Variants in PITPNM3 observed in about 807,000 individuals in gnomAD.
PITPNM3 encodes membrane-associated phosphatidylinositol transfer protein 3.
A neutral mutation model predicts 102.0 loss-of-function variants in PITPNM3; 26 were observed. That is an observed-to-expected ratio of 0.25 (90% CI 0.19 to 0.35). The LOEUF (loss-of-function observed/expected upper bound fraction) is 0.35, where lower values mean the gene tolerates loss of function less well. Ranked by LOEUF, PITPNM3 falls within the 10% of genes least tolerant of loss-of-function variation. PITPNM3 has a pLI of 1.00. For missense variants in PITPNM3, 1,083 were observed against 1,346.1 expected, an observed-to-expected ratio of 0.80 and a Z score of 3.06; for synonymous variants, 578 against 558.6, an observed-to-expected ratio of 1.03 and a Z score of -0.49.
At chr17:6,551,981 G>A (rs543356819) in intron 1 of PITPNM3, among the ~76,000 whole-genome samples, 1 of 152,228 alleles carries the variant, frequency 6.6e-6, no homozygotes, top group South Asian at 2.1e-4. Flanking sequence ...CTGTGACGTT[G>A]GCCAAATACC....
intron 2 of PITPNM3, among the ~76,000 whole-genome samples, chr17:6,527,279 T>C (rs1439994133): frequency 1.3e-5 from 2 of 152,218 alleles, no homozygotes; most frequent in African/African-American, 2.4e-5. Flanking sequence ...TCATGTTAGA[T>C]TGATTTTTTT....
chr17:6,498,444 G>A (rs1906971861), intron 4 of PITPNM3, among the ~76,000 whole-genome samples: 1 of 152,254 alleles, frequency 6.6e-6, no homozygotes, highest in South Asian at 2.1e-4. Context: ...ATCCATGGGA[G>A]AGAAAGCAGG....
In PITPNM3 at chr17:6,470,138, G is replaced by T; in HGVS notation, c.1773+122C>A. 1 of 1,162,786 alleles carries T rather than the reference G, an allele frequency of 8.6e-7. No individual in the cohort carries two copies. The highest frequency in any genetic ancestry group is 1.2e-6 in the Non-Finnish European group (1 of 809,472). The allele number at this position is 1,162,786 out of a possible 1,614,324, so 72.0% of individuals were successfully genotyped here. On this transcript the variant is annotated intron_variant, in intron 13 of 19. Coordinates refer to ENST00000262483, the MANE Select transcript of PITPNM3 (RefSeq NM_031220.4). This position sits in a 1 kb window ranked among gnomAD's most constrained non-coding sequence, Gnocchi z 4.8. ...GTAGGTGCTCCAATGCCTTCCTCATGCTCTTAGGATCAAGGCCAAAAGCTG... is the reference window on the plus strand; with the variant it reads ...GTAGGTGCTCCAATGCCTTCCTCATTCTCTTAGGATCAAGGCCAAAAGCTG...
At chr17:6,462,989 G>T (rs772558708) in intron 17 of PITPNM3, among the ~76,000 whole-genome samples, 5 of 152,132 alleles carry the variant, frequency 3.3e-5, no homozygotes, top group Admixed American at 6.5e-5. Context: ...GTGGGAGGGG[G>T]ACTGTGACGC....
chr17:6,486,488 G>A (rs1227096150), intron 4 of PITPNM3, among the ~76,000 whole-genome samples: 1 of 152,188 alleles, frequency 6.6e-6, no homozygotes, highest in Non-Finnish European at 1.5e-5. Context: ...GCTTTTCTCA[G>A]CAGGGAAGAG....
chr17:6,464,403 C>T (rs1264701507), intron 15 of PITPNM3, 85 bp from the exon 16 acceptor site: 17 of 1,415,328 alleles, frequency 1.2e-5, no homozygotes, highest in Admixed American at 3.5e-5. Flanking sequence ...GAACTCTGGG[C>T]TGAGGTCCCT....
rs1053194939 is a variant in PITPNM3 at position 6,454,345 on chromosome 17, C to G, written c.*993G>C. Reference sequence around the variant, plus strand: ...CCTTCCCAGCCCACCCAGAGAGGCTCCTTTAAGAGCCCCTCCTTTCCAGCC... The same window carrying G: ...CCTTCCCAGCCCACCCAGAGAGGCTGCTTTAAGAGCCCCTCCTTTCCAGCC... On this transcript the variant is annotated 3_prime_UTR_variant, in exon 20 of 20. Transcript: ENST00000262483. The G allele has an allele frequency of 3.9e-5, 6 of 152,308 alleles. No homozygotes were observed. In the East Asian group the frequency reaches 1.2e-3, roughly 30 times the overall value. The allele number at this position is 152,308 out of a possible 1,614,324, so 9.4% of individuals were successfully genotyped here. A position where few individuals can be genotyped will look rare whatever the true frequency, so the allele number is the denominator to read the frequency against.
chr17:6,552,545 A>C (rs1910368906), intron 1 of PITPNM3, among the ~76,000 whole-genome samples: 1 of 151,854 alleles, frequency 6.6e-6, no homozygotes, highest in African/African-American at 2.4e-5. Flanking sequence ...TTACCCCGGC[A>C]CTCCTGTCTT....
intron 17 of PITPNM3, among the ~76,000 whole-genome samples, chr17:6,462,254 G>A (rs1904500049): frequency 6.6e-6 from 1 of 152,120 alleles, no homozygotes; most frequent in East Asian, 1.9e-4. Context: ...TGTTTCCATG[G>A]TGATTCCTGT....
At chr17:6,510,910 G>A (rs1452081116) in intron 3 of PITPNM3, among the ~76,000 whole-genome samples, 2 of 152,222 alleles carry the variant, frequency 1.3e-5, no homozygotes, top group South Asian at 2.1e-4. Context: ...GACGAGCTCC[G>A]CATGAGCCCA....
chr17:6,529,165 C>T (rs1909003886), intron 2 of PITPNM3, among the ~76,000 whole-genome samples: 1 of 152,194 alleles, frequency 6.6e-6, no homozygotes, highest in Non-Finnish European at 1.5e-5. Flanking sequence ...GCCTTGACCA[C>T]AGATTGACTC....
chr17:6,457,833 G>C lies in PITPNM3; in HGVS notation c.2491-111C>G. ...CTTGGGGACCCTTTATGTGCACTCT[G>C]GTAGACTCCAAGCCATGGGGCCACC... On this transcript the variant is annotated intron_variant, in intron 18 of 19. Transcript: ENST00000262483. This position sits in a 1 kb window ranked among gnomAD's most constrained non-coding sequence, Gnocchi z 4.7. 1 of 1,435,300 alleles carries C rather than the reference G, an allele frequency of 7.0e-7. No homozygotes were observed. The highest frequency in any genetic ancestry group is 9.5e-7 in the Non-Finnish European group (1 of 1,055,944). The allele number at this position is 1,435,300 out of a possible 1,614,324, so 88.9% of individuals were successfully genotyped here. A position where few individuals can be genotyped will look rare whatever the true frequency, so the allele number is the denominator to read the frequency against.
At chr17:6,464,122 G>T (rs1300683430) in intron 16 of PITPNM3, 48 bp downstream of exon 16, 3 of 1,613,124 alleles carry the variant, frequency 1.9e-6, no homozygotes, top group African/African-American at 2.7e-5. Context: ...GGCTGGAAGG[G>T]CCATAGAAAT....
intron 4 of PITPNM3, among the ~76,000 whole-genome samples, chr17:6,493,013 C>G (rs1480160462): frequency 1.3e-5 from 2 of 152,038 alleles, no homozygotes; most frequent in Non-Finnish European, 2.9e-5. Context: ...CAATCAGACA[C>G]AGCATCTGCC....
chr17:6,540,939 G>T (rs1267080983), intron 1 of PITPNM3, among the ~76,000 whole-genome samples: 1 of 152,210 alleles, frequency 6.6e-6, no homozygotes, highest in Non-Finnish European at 1.5e-5. Context: ...GATTACAGGC[G>T]TGAGCCACTG....
chr17:6,532,912 C>T (rs1345032540), intron 2 of PITPNM3, among the ~76,000 whole-genome samples: 2 of 152,146 alleles, frequency 1.3e-5, no homozygotes, highest in East Asian at 1.9e-4. Flanking sequence ...TATCATCATA[C>T]ATTCCCGCCA....
In PITPNM3 at chr17:6,478,294, G is replaced by A. The variant is rs942495829; in HGVS notation, c.778-197C>T. ...GTTGGCCCAGGCCAGCCCAAGGACGGGGAGTAGGCTACTCTCAGGGGTCAG... is the reference window on the plus strand; with the variant it reads ...GTTGGCCCAGGCCAGCCCAAGGACGAGGAGTAGGCTACTCTCAGGGGTCAG... On this transcript the variant is annotated intron_variant, in intron 7 of 19. Coordinates refer to ENST00000262483, the MANE Select transcript of PITPNM3 (RefSeq NM_031220.4). This position sits in a 1 kb window ranked among gnomAD's most constrained non-coding sequence, Gnocchi z 4.4. Among the ~76,000 whole-genome samples the A allele has an allele frequency of 2.6e-5, 4 of 152,264 alleles. No homozygotes were observed. Among genetic ancestry groups the A allele is most frequent in the African/African-American group, 9.6e-5 (4 of 41,470 alleles).
At position 6,468,381 on chromosome 17, in the gene PITPNM3, G is replaced by T. The variant is rs761815529; in HGVS notation, c.1774-40C>A. 4.4e-6 allele frequency: 7 copies of T among 1,592,124 alleles called. No individual in the cohort carries two copies. Among genetic ancestry groups the T allele is most frequent in the Non-Finnish European group, 6.0e-6 (7 of 1,160,554 alleles). On this transcript the variant is annotated intron_variant, in intron 13 of 19. Coordinates refer to ENST00000262483, the MANE Select transcript of PITPNM3 (RefSeq NM_031220.4). This position sits in a 1 kb window ranked among gnomAD's most constrained non-coding sequence, Gnocchi z 5.2. ...AGCAGGGCCCCGGTCAGGTCTTCTG[G>T]CTTCTCTGCTTCCCTCCCAGGGTGT...
chr17:6,454,836 T>G lies in PITPNM3; in HGVS notation c.*502A>C. On this transcript the variant is annotated 3_prime_UTR_variant, in exon 20 of 20. Transcript: ENST00000262483. ...CTCCCAGAAAGTGGCCATCTTGCCA[T>G]AAGAGCGCCAACCCCAAAATGGTGA... 6.3e-6 allele frequency: 1 copy of G among 159,126 alleles called. No individual in the cohort carries two copies. 9.9% of individuals were successfully genotyped at this position (159,126 alleles called of 1,614,324 possible). A position where few individuals can be genotyped will look rare whatever the true frequency, so the allele number is the denominator to read the frequency against.
Sources: allele counts gnomAD v4.1 joint callset (sites outside exome capture counted in the v4.1 genomes callset), GRCh38; gene constraint gnomAD v4.1.1; non-coding constraint Gnocchi (gnomAD v3.1); transcripts MANE v1.5; gene names NCBI Gene and HGNC (gene_info 2026-07-23, HGNC 2026-07-21).